LDB2: variants seen among roughly 807,000 people sequenced by gnomAD.
LDB2 encodes LIM domain-binding protein 2.
In LDB2, 12 loss-of-function variants were observed where a neutral mutation model predicts 44.3. The observed-to-expected ratio is 0.27, with a 90% CI of 0.17 to 0.44. The LOEUF (loss-of-function observed/expected upper bound fraction) is 0.44. LDB2 is among the 20% of genes least tolerant of loss of function. LDB2 has a pLI of 1.00. For missense variants in LDB2, 344 were observed against 473.5 expected (o/e 0.73, Z 2.54); for synonymous variants, 164 against 174.8 (o/e 0.94, Z 0.49).
At chr4:16,820,335 T>G (rs1299222899) in intron 1 of LDB2, among the ~76,000 whole-genome samples, 1 of 152,224 alleles carries the variant, frequency 6.6e-6, no homozygotes, top group Non-Finnish European at 1.5e-5. Flanking sequence ...TGGGCACTGC[T>G]CACTGCTCTT....
At chr4:16,703,082 C>T (rs1051351970) in intron 2 of LDB2, among the ~76,000 whole-genome samples, 2 of 152,090 alleles carry the variant, frequency 1.3e-5, no homozygotes, top group African/African-American at 4.8e-5. Context: ...TGCCAATCCT[C>T]GCTCTAAGAA....
intron 1 of LDB2, among the ~76,000 whole-genome samples, chr4:16,894,973 A>G (rs1724490913): frequency 1.3e-5 from 2 of 151,974 alleles, no homozygotes; most frequent in Non-Finnish European, 2.9e-5. Flanking sequence ...ACATAACGGA[A>G]CTCACACTTT....
In LDB2 at chr4:16,875,306, T is replaced by G. The variant is rs375084363; in HGVS notation, c.132+23048A>C. On this transcript the variant is annotated intron_variant, in intron 1 of 7. Transcript: ENST00000304523. ...TAATCAGATAACCTCATTTGATGTC[T>G]TAAGCTATACAAAATTAATTTATCA... Among the ~76,000 whole-genome samples the G allele has an allele frequency of 1.7e-4, 26 of 152,322 alleles. 1 individual carries two copies. The East Asian group carries it at 3.1e-3, about 18-fold the overall frequency.
chr4:16,695,672 A>G (rs796303342), intron 2 of LDB2, among the ~76,000 whole-genome samples: 1 of 152,226 alleles, frequency 6.6e-6, no homozygotes, highest in Non-Finnish European at 1.5e-5. Context: ...CTCTGCAAAG[A>G]CTATTCAAAT....
intron 6 of LDB2, among the ~76,000 whole-genome samples, chr4:16,510,158 A>G (rs1721162994): frequency 6.6e-6 from 1 of 152,160 alleles, no homozygotes; most frequent in Non-Finnish European, 1.5e-5. Context: ...AAAAACACCT[A>G]TGCCACTTCT....
intron 2 of LDB2, among the ~76,000 whole-genome samples, chr4:16,717,860 C>G (rs557701759): frequency 9.9e-4 from 151 of 152,172 alleles, no homozygotes; most frequent in African/African-American, 3.5e-3. Flanking sequence ...ATATGGCTGC[C>G]AATGTCAAGT....
chr4:16,576,116 C>T (rs1748189363), intron 5 of LDB2, among the ~76,000 whole-genome samples: 2 of 152,150 alleles, frequency 1.3e-5, no homozygotes. Context: ...GAAGTTTATA[C>T]CTGAAAGTGC....
intron 2 of LDB2, among the ~76,000 whole-genome samples, chr4:16,743,974 A>T (rs1346642478): frequency 6.6e-6 from 1 of 152,238 alleles, no homozygotes; most frequent in Non-Finnish European, 1.5e-5. Flanking sequence ...CATCACTAAA[A>T]TCAAGGCAGT....
At chr4:16,516,002 T>C (rs1217862168) in intron 5 of LDB2, among the ~76,000 whole-genome samples, 1 of 152,170 alleles carries the variant, frequency 6.6e-6, no homozygotes, top group African/African-American at 2.4e-5. Context: ...TAGCTGAGAC[T>C]ACAGGCGCCC....
chr4:16,688,732 C>T (rs567490936), intron 2 of LDB2, among the ~76,000 whole-genome samples: 192 of 152,272 alleles, frequency 1.3e-3, no homozygotes, highest in African/African-American at 4.3e-3. Flanking sequence ...TTCTCCACAC[C>T]AAATACCAAA....
intron 7 of LDB2, chr4:16,503,191 G>A (rs1296804578): frequency 5.3e-6 from 8 of 1,508,110 alleles, no homozygotes; most frequent in South Asian, 1.2e-5. Flanking sequence ...TCAACTTGCC[G>A]ACATTGGGGA....
chr4:16,876,944 G>A (rs1289367631), intron 1 of LDB2, among the ~76,000 whole-genome samples: 1 of 145,986 alleles, frequency 6.8e-6, no homozygotes, highest in African/African-American at 2.6e-5. Flanking sequence ...TCTTCGCTCT[G>A]TCACACAGAC....
chr4:16,600,652 T>C (rs1248527273), intron 2 of LDB2, among the ~76,000 whole-genome samples: 3 of 152,182 alleles, frequency 2.0e-5, no homozygotes, highest in African/African-American at 7.2e-5. Flanking sequence ...TGTGGATCCC[T>C]GCTTTCAAGC....
intron 5 of LDB2, among the ~76,000 whole-genome samples, chr4:16,553,160 T>C (rs1265670258): frequency 2.0e-5 from 3 of 152,168 alleles, no homozygotes; most frequent in Non-Finnish European, 2.9e-5. Flanking sequence ...ATTTTATTAT[T>C]ATTATTTTTT....
chr4:16,853,893 C>T (rs186148651), intron 1 of LDB2, among the ~76,000 whole-genome samples: 26 of 152,218 alleles, frequency 1.7e-4, no homozygotes, highest in Admixed American at 1.6e-3. Context: ...AAAGATATTA[C>T]ACAATCTCAC....
At chr4:16,546,745 C>T (rs1388516443) in intron 5 of LDB2, among the ~76,000 whole-genome samples, 1 of 152,216 alleles carries the variant, frequency 6.6e-6, no homozygotes, top group East Asian at 1.9e-4. Context: ...GGTATTTAAC[C>T]TTGCTGTCCA....
intron 1 of LDB2, among the ~76,000 whole-genome samples, chr4:16,827,268 A>G (rs772195423): frequency 8.5e-5 from 13 of 152,218 alleles, no homozygotes; most frequent in Non-Finnish European, 1.5e-4. Flanking sequence ...GCAGGAGGAC[A>G]GTGTCAGAAT....
Position 16,573,754 on chromosome 4 carries a change from A to G in LDB2, c.615+12168T>C, listed in dbSNP as rs146130113. 3.9e-3 allele frequency among the ~76,000 whole-genome samples: 596 copies of G among 152,284 alleles called. 3 individuals are homozygous for G. The highest frequency in any genetic ancestry group is 0.014 in the African/African-American group (574 of 41,564). On this transcript the variant is annotated intron_variant, in intron 5 of 7. Coordinates refer to ENST00000304523, the MANE Select transcript of LDB2 (RefSeq NM_001290.5). ...CTCTGTCAGAATGCATGAATGGTGA[A>G]TGGTATACCTGGATTCCAGCCTACT...
intron 1 of LDB2, among the ~76,000 whole-genome samples, chr4:16,798,196 A>T (rs1777109841): frequency 6.6e-6 from 1 of 152,154 alleles, no homozygotes; most frequent in African/African-American, 2.4e-5. Context: ...CTCAATCTAT[A>T]TGACCCTCAA....
Sources: gnomAD v4.1 joint callset for allele counts (sites outside exome capture counted in the v4.1 genomes callset) on GRCh38, gnomAD v4.1.1 for gene constraint, MANE v1.5 for transcripts, NCBI Gene and HGNC (gene_info 2026-07-23, HGNC 2026-07-21) for gene names.